Variants in RBL2 observed in about 807,000 individuals in gnomAD.
The protein encoded by RBL2 is RB transcriptional corepressor like 2.
In RBL2, 56 loss-of-function variants were observed where a neutral mutation model predicts 126.0. That is an observed-to-expected ratio of 0.44 (90% CI 0.36 to 0.56). RBL2 has a LOEUF of 0.56. RBL2 is among the 20% of genes least tolerant of loss of function. The pLI, the probability that RBL2 is intolerant of heterozygous loss-of-function variation, is 0.00. For missense variants in RBL2, 1,229 were observed against 1,398.2 expected, an observed-to-expected ratio of 0.88 and a Z score of 1.93; for synonymous variants, 454 against 478.5, an observed-to-expected ratio of 0.95 and a Z score of 0.67.
chr16:53,469,916 G>A lies in RBL2; in HGVS notation c.1976G>A (p.Ser659Asn). ...VRADTGGLGR[S>N]ITSPTTLYDR... ...TTTGTTTGATTTGTTTTGACCCTAGGCATAACATCTCCAACCACATTATAC... is the reference window on the plus strand; with the variant it reads ...TTTGTTTGATTTGTTTTGACCCTAGACATAACATCTCCAACCACATTATAC... Residue 659 changes from serine (S) to asparagine (N), a missense_variant and splice_region_variant, in exon 15 of 22, where the codon AGC becomes AAC. By Grantham distance (46) the Ser-to-Asn change is conservative. This residue lies in a region of RBL2 where 1,070 missense variants were observed against 1,274.3 expected (regional missense o/e 0.84). Transcript: ENST00000262133. The A allele has an allele frequency of 6.4e-7, 1 of 1,552,542 alleles. No individual in the cohort carries two copies. The highest frequency in any genetic ancestry group is 8.7e-7 in the Non-Finnish European group (1 of 1,144,474).
intron 12 of RBL2, chr16:53,464,983 CG>C (rs1241715238): frequency 1.3e-5 from 2 of 152,622 alleles, no homozygotes; most frequent in African/African-American, 2.4e-5. Context: ...TTAGTAGAGA[CG>C]GGGTTTCACC....
intron 14 of RBL2, among the ~76,000 whole-genome samples, chr16:53,467,849 T>A (rs969008498): frequency 1.1e-4 from 17 of 152,250 alleles, no homozygotes; most frequent in Admixed American, 6.5e-5. Context: ...ATATTACTTT[T>A]AAAATCAGAA....
At chr16:53,474,019 T>G (rs1960625938) in intron 17 of RBL2, among the ~76,000 whole-genome samples, 1 of 152,154 alleles carries the variant, frequency 6.6e-6, no homozygotes, top group Admixed American at 6.5e-5. Context: ...AGTCTTATTT[T>G]TTTCTTTTTT....
rs2044685946 is a variant in RBL2 at position 53,439,052 on chromosome 16, G to A, written c.277G>A (p.Val93Met). Residue 93 changes from valine (V) to methionine (M), a missense_variant, in exon 2 of 22, where the codon GTG (valine) becomes ATG (methionine). Coordinates refer to ENST00000262133, the MANE Select transcript of RBL2 (RefSeq NM_005611.4). Reference protein sequence around the residue: ...DLHWLACALYVACRKSVPTVS... With the variant: ...DLHWLACALYMACRKSVPTVS... ...TCATTGGTTAGCATGTGCCTTATATGTGGCTTGCAGAAAATCTGTTCCAAC... is the reference window on the plus strand; with the variant it reads ...TCATTGGTTAGCATGTGCCTTATATATGGCTTGCAGAAAATCTGTTCCAAC... The A allele has an allele frequency of 6.2e-7, 1 of 1,606,102 alleles. No individual in the cohort carries two copies. The highest frequency in any genetic ancestry group is 2.3e-5 in the East Asian group (1 of 44,366).
At chr16:53,467,205 T>C in intron 14 of RBL2, 36 bp downstream of exon 14, 11 of 1,520,942 alleles carry the variant, frequency 7.2e-6, no homozygotes, top group Non-Finnish European at 1.0e-5. Context: ...TTTTGGGGCT[T>C]ACTATCTGGA....
intron 5 of RBL2, 80 bp downstream of exon 5, chr16:53,451,911 G>A (rs1252646484): frequency 1.1e-5 from 17 of 1,504,390 alleles, no homozygotes; most frequent in Non-Finnish European, 1.5e-5. Context: ...AGGTTTCCTA[G>A]CATCAGTATT....
chr16:53,441,876 A>G (rs1286857403), intron 2 of RBL2, among the ~76,000 whole-genome samples: 1 of 152,002 alleles, frequency 6.6e-6, no homozygotes, highest in Non-Finnish European at 1.5e-5. Context: ...GCTGGAGTGC[A>G]GTGGCGTGAT....
At chr16:53,484,107 C>G (rs561518867) in intron 21 of RBL2, among the ~76,000 whole-genome samples, 1 of 152,168 alleles carries the variant, frequency 6.6e-6, no homozygotes, top group South Asian at 2.1e-4. Flanking sequence ...CCTAGTAGGA[C>G]TGGTTATGAA....
Position 53,451,837 on chromosome 16 carries a change from T to C in RBL2, c.766+6T>C, listed in dbSNP as rs776478588. Reference sequence around the variant, plus strand: ...TGTGAACCCTAATTTTAAAGGTAGGTTTGTAAATCAAAGATTTTTGGGCAA... The same window carrying C: ...TGTGAACCCTAATTTTAAAGGTAGGCTTGTAAATCAAAGATTTTTGGGCAA... On this transcript the variant is annotated splice_donor_region_variant and intron_variant, in intron 5 of 21. Transcript: ENST00000262133. 2 of 1,613,226 alleles carry C rather than the reference T, an allele frequency of 1.2e-6. No homozygotes were observed. Among genetic ancestry groups the C allele is most frequent in the East Asian group, 2.2e-5 (1 of 44,810 alleles).
intron 12 of RBL2, chr16:53,464,674 T>G (rs2058254628): frequency 5.0e-6 from 1 of 200,674 alleles, no homozygotes; most frequent in Non-Finnish European, 9.9e-6. Context: ...GCTAATCTTG[T>G]ATAGCAGCCT....
intron 4 of RBL2, among the ~76,000 whole-genome samples, chr16:53,447,322 C>T (rs1409006418): frequency 6.7e-6 from 1 of 148,854 alleles, no homozygotes. Context: ...AATGGAAAGT[C>T]CATTAACTTT....
chr16:53,450,221 C>G (rs1259666061), intron 4 of RBL2, among the ~76,000 whole-genome samples: 2 of 151,596 alleles, frequency 1.3e-5, no homozygotes, highest in African/African-American at 2.4e-5. Context: ...CTCTTTAGTT[C>G]ATTTAAGTTG....
At chr16:53,468,025 A>G (rs1000555775) in intron 14 of RBL2, among the ~76,000 whole-genome samples, 3 of 152,170 alleles carry the variant, frequency 2.0e-5, no homozygotes, top group Non-Finnish European at 4.4e-5. Flanking sequence ...TTTGCTATCT[A>G]TCTGGTTTGT....
At chr16:53,461,248 T>G (rs2058217263) in intron 9 of RBL2, among the ~76,000 whole-genome samples, 1 of 152,168 alleles carries the variant, frequency 6.6e-6, no homozygotes, top group Non-Finnish European at 1.5e-5. Flanking sequence ...ATCCTAACAC[T>G]TTGGGAGCCT....
At chr16:53,486,950 A>G (rs751609518) in intron 21 of RBL2, among the ~76,000 whole-genome samples, 48 of 152,154 alleles carry the variant, frequency 3.2e-4, no homozygotes, top group African/African-American at 1.0e-3. Context: ...ATTGAATACC[A>G]TAACATTTTA....
rs2058233262 is a variant in RBL2, at chr16:53,462,616, T to C, written c.1521T>C (p.Ile507=). 6.3e-7 allele frequency: 1 copy of C among 1,574,920 alleles called. No homozygotes were observed. The highest frequency in any genetic ancestry group is 8.6e-7 in the Non-Finnish European group (1 of 1,167,094). Residue 507 remains isoleucine (I), a synonymous_variant, in exon 11 of 22, where the codon ATT becomes ATC. Transcript: ENST00000262133. ...ACTATAAAGTATTAGAATCTGTTAT[T>C]GAGCAGGAACAAAAAAGACTAGGAG... ...MLYYKVLESV[I]EQEQKRLGDM...
chr16:53,459,460 C>G lies in RBL2; in HGVS notation c.1189C>G (p.Leu397Val), dbSNP rs2058198576. ...TTTTTTTTTTCTTTAGTCCAAAGCA[C>G]TTAGAATCTCCACACCACTAACTGG... ...LQQHFDKSKALRISTPLTGVR... is the reference protein window; with the variant it reads ...LQQHFDKSKAVRISTPLTGVR... The change falls in exon 9 of 22, where the codon CTT (leucine) becomes GTT (valine). Residue 397 changes from leucine to valine, a missense_variant. Coordinates refer to ENST00000262133, the MANE Select transcript of RBL2 (RefSeq NM_005611.4). 6.2e-7 allele frequency: 1 copy of G among 1,611,518 alleles called. No individual in the cohort carries two copies. Among genetic ancestry groups the G allele is most frequent in the African/African-American group, 1.3e-5 (1 of 74,672 alleles).
chr16:53,446,110 G>A (rs2058059885), intron 3 of RBL2, among the ~76,000 whole-genome samples: 1 of 152,124 alleles, frequency 6.6e-6, no homozygotes, highest in South Asian at 2.1e-4. Context: ...TCAAGTTGTA[G>A]AGCCAGAATT....
Position 53,470,081 on chromosome 16 carries a change from G to C in RBL2, c.2141G>C (p.Gly714Ala), listed in dbSNP as rs2150813784. 1 of 1,614,182 alleles carries C rather than the reference G, an allele frequency of 6.2e-7. No individual in the cohort carries two copies. Among genetic ancestry groups the C allele is most frequent in the South Asian group, 1.1e-5 (1 of 91,084 alleles). Residue 714 changes from glycine (G) to alanine (A), a missense_variant, in exon 15 of 22, where the codon GGG becomes GCG. This residue lies in a region of RBL2 where 1,070 missense variants were observed against 1,274.3 expected (regional missense o/e 0.84). Transcript: ENST00000262133. ...VNAVPVQNVSGETVSVTPVPG... is the reference protein window; with the variant it reads ...VNAVPVQNVSAETVSVTPVPG... ...GCTGTCCCTGTGCAGAATGTATCTG[G>C]GGAGACTGTTTCTGTCACACCAGTT...
Sources: gnomAD v4.1 joint callset for allele counts (sites outside exome capture counted in the v4.1 genomes callset) on GRCh38, gnomAD v4.1.1 for gene constraint, gnomAD v4.1.1 regional missense constraint, MANE v1.5 for transcripts, NCBI Gene and HGNC (gene_info 2026-07-23, HGNC 2026-07-21) for gene names.